The following THRAP3 variants were observed in gnomAD, a reference collection of about 807,000 sequenced individuals.
THRAP3 encodes the protein thyroid hormone receptor-associated protein 3.
THRAP3 carries 16 observed loss-of-function variants against 101.0 expected under a neutral mutation model. The observed-to-expected ratio is 0.16, with a 90% CI of 0.11 to 0.24. The LOEUF (loss-of-function observed/expected upper bound fraction) is 0.24. Among genes scored for constraint, THRAP3 ranks in the 10% least tolerant of loss-of-function variants. The pLI, the probability that THRAP3 is intolerant of heterozygous loss-of-function variation, is 1.00. For missense variants in THRAP3, 989 were observed against 1,202.7 expected, an observed-to-expected ratio of 0.82 and a Z score of 2.63; for synonymous variants, 407 against 422.6, an observed-to-expected ratio of 0.96 and a Z score of 0.45.
intron 2 of THRAP3, among the ~76,000 whole-genome samples, chr1:36,268,722 A>AT (rs1167558334): frequency 3.5e-4 from 53 of 149,522 alleles, no homozygotes; most frequent in Admixed American, 1.7e-3. Context: ...AATATGAGTT[A>AT]ATTTTTTTTT....
intron 4 of THRAP3, 178 bp from the exon 5 acceptor site, chr1:36,288,882 G>A (rs1645829000): frequency 2.0e-6 from 2 of 985,360 alleles, no homozygotes; most frequent in Non-Finnish European, 1.2e-6. Flanking sequence ...TCATAGAACT[G>A]TGAATGGCAG....
intron 1 of THRAP3, among the ~76,000 whole-genome samples, chr1:36,256,378 A>G (rs1206584872): frequency 6.6e-6 from 1 of 151,728 alleles, no homozygotes; most frequent in Non-Finnish European, 1.5e-5. Flanking sequence ...GGCGCCCGCC[A>G]CCACGCCTGG....
Position 36,234,668 on chromosome 1 carries a change from A to G in THRAP3, c.-135+10163A>G, listed in dbSNP as rs530957638. Among the ~76,000 whole-genome samples the G allele has an allele frequency of 1.4e-4, 22 of 152,310 alleles. No individual in the cohort carries two copies. In the South Asian group the frequency reaches 3.9e-3, roughly 27 times the overall value. On this transcript the variant is annotated intron_variant, in intron 1 of 11. Transcript: ENST00000354618. ...CTTGCTTCAGAAGAACTTAAATTGTAAAAGCCTGTTCTGATAATTCATCTT... is the reference window on the plus strand; with the variant it reads ...CTTGCTTCAGAAGAACTTAAATTGTGAAAGCCTGTTCTGATAATTCATCTT...
chr1:36,214,155 G>C, the THRAP3 span, among the ~76,000 whole-genome samples: 5 of 152,208 alleles, frequency 3.3e-5, no homozygotes, highest in Non-Finnish European at 7.3e-5. Flanking sequence ...CCAACTGCTG[G>C]GTTCTAGGAA....
rs186504946 is a variant in THRAP3 at position 36,248,137 on chromosome 1, A to T, written c.-134-11245A>T. 6.3e-3 allele frequency among the ~76,000 whole-genome samples: 960 copies of T among 151,978 alleles called. 11 individuals carry two copies. The highest frequency in any genetic ancestry group is 0.022 in the African/African-American group (909 of 41,420). ...TCAGGTGATCCGCCCACTTTGGCCT[A>T]CCAAAGTGCTGGGATTACAGGCATG... On this transcript the variant is annotated intron_variant, in intron 1 of 11. Transcript: ENST00000354618.
chr1:36,243,791 T>C (rs1385741157), intron 1 of THRAP3, among the ~76,000 whole-genome samples: 1 of 38,072 alleles, frequency 2.6e-5, no homozygotes, highest in Non-Finnish European at 5.1e-5. Context: ...GAGGCGCCCC[T>C]CACCTCCCGG....
the THRAP3 span, among the ~76,000 whole-genome samples, chr1:36,210,971 G>A: frequency 6.6e-6 from 1 of 150,520 alleles, no homozygotes; most frequent in Non-Finnish European, 1.5e-5. Context: ...TGGCACTCTG[G>A]GGGGCCGAGG....
Position 36,304,026 on chromosome 1 carries a change from C to T in THRAP3, c.*9C>T, listed in dbSNP as rs1253783366. ...AGCCCACAACCGAGTAGGGGCCACC[C>T]TTGACGGGATTCCTGCCCAGGGGAG... On this transcript the variant is annotated 3_prime_UTR_variant, in exon 12 of 12. Transcript: ENST00000354618. 6.6e-7 allele frequency: 1 copy of T among 1,505,362 alleles called. No homozygotes were observed. The highest frequency in any genetic ancestry group is 8.9e-7 in the Non-Finnish European group (1 of 1,126,604). The allele number at this position is 1,505,362 out of a possible 1,614,324, so 93.3% of individuals were successfully genotyped here.
intron 1 of THRAP3, among the ~76,000 whole-genome samples, chr1:36,233,397 T>C (rs1359925413): frequency 6.6e-6 from 1 of 151,650 alleles, no homozygotes; most frequent in Non-Finnish European, 1.5e-5. Context: ...TCCCAGCTAC[T>C]TGGGAGGCTG....
At chr1:36,218,307 T>TGCAGTGAGCAGAGATTGCATCAC in the THRAP3 span, among the ~76,000 whole-genome samples, 79 of 147,430 alleles carry the variant, frequency 5.4e-4, 1 homozygote, top group East Asian at 9.9e-3. Flanking sequence ...AGGCAGAGCC[T>TGCAGTGAGCAGAGATTGCATCAC]GCAGTGAGCA....
rs376567312 is a variant in THRAP3 at position 36,286,852 on chromosome 1, G to A, written c.622G>A (p.Gly208Arg). The change falls in exon 4 of 12, where the codon GGA (glycine) becomes AGA (arginine). Residue 208 changes from glycine (G) to arginine (R), a missense_variant. By Grantham distance (125) the Gly-to-Arg change is moderately radical. Coordinates refer to ENST00000354618, the MANE Select transcript of THRAP3 (RefSeq NM_005119.4). The surrounding 1 kb of genome is among the most constrained non-coding windows in gnomAD (Gnocchi z 5.5). ...GDEAKEQTFSGGTSQDTKASE... is the reference protein window; with the variant it reads ...GDEAKEQTFSRGTSQDTKASE... ...TGAGGCCAAGGAGCAGACATTCTCTGGAGGCACCTCTCAAGATACAAAAGC... is the reference window on the plus strand; with the variant it reads ...TGAGGCCAAGGAGCAGACATTCTCTAGAGGCACCTCTCAAGATACAAAAGC... The A allele has an allele frequency of 1.9e-6, 3 of 1,614,164 alleles. No homozygotes were observed. The highest frequency in any genetic ancestry group is 2.5e-6 in the Non-Finnish European group (3 of 1,180,012).
the THRAP3 span, among the ~76,000 whole-genome samples, chr1:36,214,211 T>A: frequency 6.6e-6 from 1 of 152,190 alleles, no homozygotes; most frequent in Non-Finnish European, 1.5e-5. Flanking sequence ...TGGCTCTCCG[T>A]AGGTGGCACA....
intron 3 of THRAP3, among the ~76,000 whole-genome samples, chr1:36,285,573 G>T (rs1185051580): frequency 6.6e-6 from 1 of 152,154 alleles, no homozygotes; most frequent in Admixed American, 6.6e-5. Flanking sequence ...GCACACCGGG[G>T]TGGGGGTGTT....
chr1:36,270,864 G>A (rs749428768), intron 2 of THRAP3, among the ~76,000 whole-genome samples: 3 of 152,098 alleles, frequency 2.0e-5, no homozygotes, highest in Non-Finnish European at 4.4e-5. Context: ...ACAGGTGTGA[G>A]CCACTGCGCC....
chr1:36,226,551 G>A (rs1031612650), intron 1 of THRAP3, among the ~76,000 whole-genome samples: 6 of 152,148 alleles, frequency 3.9e-5, no homozygotes, highest in African/African-American at 9.7e-5. Flanking sequence ...AAGCCACCGC[G>A]CCCGGCCACG....
chr1:36,289,798 T>C, intron 5 of THRAP3, 34 bp downstream of exon 5: 1 of 1,560,964 alleles, frequency 6.4e-7, no homozygotes, highest in Non-Finnish European at 8.7e-7. Flanking sequence ...CTCAGTGCTT[T>C]AGTGGCCTAA....
chr1:36,239,587 T>C (rs1377495863), intron 1 of THRAP3, among the ~76,000 whole-genome samples: 1 of 152,158 alleles, frequency 6.6e-6, no homozygotes, highest in Non-Finnish European at 1.5e-5. Flanking sequence ...TTACATTTCA[T>C]CATCCCTGTA....
upstream of THRAP3, among the ~76,000 whole-genome samples, chr1:36,222,494 C>T (rs575072097): frequency 1.3e-5 from 2 of 152,034 alleles, no homozygotes; most frequent in Non-Finnish European, 2.9e-5. Context: ...GCAACCTCCA[C>T]CTCCTGGGTT....
chr1:36,297,246 C>T (rs1056399316), intron 9 of THRAP3, among the ~76,000 whole-genome samples: 1 of 152,104 alleles, frequency 6.6e-6, no homozygotes, highest in Non-Finnish European at 1.5e-5. Context: ...GAGAGGTGTT[C>T]CAGGTACTCC....
Sources: allele counts gnomAD v4.1 joint callset (sites outside exome capture counted in the v4.1 genomes callset), GRCh38; gene constraint gnomAD v4.1.1; non-coding constraint Gnocchi (gnomAD v3.1); transcripts MANE v1.5; gene names NCBI Gene and HGNC (gene_info 2026-07-23, HGNC 2026-07-21).